The following GRM7 variants were observed in gnomAD, a reference collection of about 807,000 sequenced individuals.
GRM7 encodes the protein metabotropic glutamate receptor 7.
In GRM7, 35 loss-of-function variants were observed where a neutral mutation model predicts 84.5. The observed-to-expected ratio is 0.41, with a 90% CI of 0.32 to 0.55. The LOEUF is 0.55. Among genes scored for constraint, GRM7 ranks in the 20% least tolerant of loss-of-function variants. GRM7 has a pLI of 0.19. For synonymous variants in GRM7, 487 were observed against 455.1 expected, an observed-to-expected ratio of 1.07 and a Z score of -0.89; for missense variants, 1,003 against 1,194.6, an observed-to-expected ratio of 0.84 and a Z score of 2.36.
At chr3:7,497,204 A>G (rs1159096440) in intron 7 of GRM7, among the ~76,000 whole-genome samples, 1 of 151,978 alleles carries the variant, frequency 6.6e-6, no homozygotes, top group Non-Finnish European at 1.5e-5. Flanking sequence ...CTGGATAGGG[A>G]TATGAGCTAC....
chr3:7,634,836 G>C (rs1035146177), intron 8 of GRM7, among the ~76,000 whole-genome samples: 2 of 151,866 alleles, frequency 1.3e-5, no homozygotes, highest in South Asian at 4.1e-4. Context: ...GAAATCCGCA[G>C]ATCTTTCAAG....
At chr3:7,088,516 G>T (rs1159372344) in intron 1 of GRM7, among the ~76,000 whole-genome samples, 1 of 149,968 alleles carries the variant, frequency 6.7e-6, no homozygotes, top group Non-Finnish European at 1.5e-5. Flanking sequence ...TACATTTGCA[G>T]TGCCAGGGAT....
intron 1 of GRM7, among the ~76,000 whole-genome samples, chr3:6,874,528 C>A (rs1695235635): frequency 6.6e-6 from 1 of 152,160 alleles, no homozygotes; most frequent in Non-Finnish European, 1.5e-5. Flanking sequence ...TGGATTACAT[C>A]ATTTTCTTCT....
intron 4 of GRM7, among the ~76,000 whole-genome samples, chr3:7,318,674 A>G (rs1700667095): frequency 6.6e-6 from 1 of 152,052 alleles, no homozygotes; most frequent in Non-Finnish European, 1.5e-5. Context: ...TAGGCTCAGT[A>G]TATTCCTGAT....
intron 7 of GRM7, among the ~76,000 whole-genome samples, chr3:7,468,551 C>G (rs1265968005): frequency 6.6e-6 from 1 of 152,130 alleles, no homozygotes; most frequent in East Asian, 1.9e-4. Context: ...TTAGCCGCAA[C>G]AGCAACAAAA....
At chr3:7,461,086 G>A (rs1261670284) in intron 6 of GRM7, among the ~76,000 whole-genome samples, 1 of 152,170 alleles carries the variant, frequency 6.6e-6, no homozygotes, top group Non-Finnish European at 1.5e-5. Flanking sequence ...AATACAATGA[G>A]TAGAAAAGTA....
rs71043686 is a variant in GRM7 at position 7,661,794 on chromosome 3, C to CAAAAAAAAA, written c.2452-18237_2452-18229dup. Among the ~76,000 whole-genome samples the CAAAAAAAAA allele has an allele frequency of 6.8e-3, 192 of 28,164 alleles. 34 individuals are homozygous for CAAAAAAAAA. The highest frequency in any genetic ancestry group is 0.022 in the East Asian group (12 of 546). 18.5% of individuals were successfully genotyped at this position (28,164 alleles called of 152,430 possible). A position where few individuals can be genotyped will look rare whatever the true frequency, so the allele number is the denominator to read the frequency against. ...GGGCCACAGAGCGAGGTCTCCGTCTCAAAAAAAAAAAAAAAAAAAAAAAAA... is the reference window on the plus strand; with the variant it reads ...GGGCCACAGAGCGAGGTCTCCGTCTCAAAAAAAAAAAAAAAAAAAAAAAAAAAAAAAAAA... On this transcript the variant is annotated intron_variant, in intron 8 of 9. Coordinates refer to ENST00000357716, the MANE Select transcript of GRM7 (RefSeq NM_000844.4).
intron 7 of GRM7, among the ~76,000 whole-genome samples, chr3:7,518,074 T>C (rs560545054): frequency 1.3e-5 from 2 of 152,302 alleles, no homozygotes; most frequent in East Asian, 3.9e-4. Context: ...GTGAGGATAA[T>C]TCATTTCTCA....
chr3:7,293,445 G>A (rs7650667), intron 2 of GRM7, among the ~76,000 whole-genome samples: 15,397 of 152,120 alleles, frequency 0.1, 1,050 homozygotes, highest in Non-Finnish European at 0.16. Flanking sequence ...TCAAGCCTTT[G>A]ACAGCGGACA....
chr3:7,277,630 AT>A (rs1226053448), intron 2 of GRM7, among the ~76,000 whole-genome samples: 2 of 152,024 alleles, frequency 1.3e-5, no homozygotes, highest in African/African-American at 4.8e-5. Context: ...TTTCTTACAC[AT>A]TTTCTTCTTT....
At chr3:6,978,157 A>AAAATC (rs1024016231) in intron 1 of GRM7, among the ~76,000 whole-genome samples, 12 of 152,152 alleles carry the variant, frequency 7.9e-5, no homozygotes, top group African/African-American at 2.7e-4. Flanking sequence ...CCTAGAAGAG[A>AAAATC]AAATCAAGTA....
chr3:7,588,045 T>C (rs1278465540), intron 8 of GRM7, among the ~76,000 whole-genome samples: 1 of 152,134 alleles, frequency 6.6e-6, no homozygotes, highest in Non-Finnish European at 1.5e-5. Context: ...AAGTAAAGCA[T>C]GAGACATTGG....
chr3:7,112,251 G>T (rs1692882253), intron 1 of GRM7, among the ~76,000 whole-genome samples: 1 of 149,380 alleles, frequency 6.7e-6, no homozygotes, highest in Non-Finnish European at 1.5e-5. Context: ...TTGAGACAGA[G>T]TCTCACTCTG....
At chr3:6,934,562 T>C (rs1354521354) in intron 1 of GRM7, among the ~76,000 whole-genome samples, 1 of 152,152 alleles carries the variant, frequency 6.6e-6, no homozygotes, top group Non-Finnish European at 1.5e-5. Flanking sequence ...TTTGTATGTA[T>C]CTATAGGAGG....
chr3:7,231,368 A>C (rs1697192283), intron 2 of GRM7, among the ~76,000 whole-genome samples: 1 of 152,206 alleles, frequency 6.6e-6, no homozygotes, highest in African/African-American at 2.4e-5. Context: ...AAATTTAATC[A>C]AATTGGCCAT....
At chr3:7,739,249 T>C (rs886716152) in intron 9 of GRM7, among the ~76,000 whole-genome samples, 6 of 152,226 alleles carry the variant, frequency 3.9e-5, no homozygotes, top group Non-Finnish European at 2.9e-5. Flanking sequence ...ACCTGTAACG[T>C]ACTACTTGTA....
intron 3 of GRM7, among the ~76,000 whole-genome samples, chr3:7,299,380 A>G (rs1383732752): frequency 1.3e-5 from 2 of 152,164 alleles, no homozygotes; most frequent in African/African-American, 4.8e-5. Flanking sequence ...ATGTTTCCAC[A>G]ATGTAAATGT....
intron 4 of GRM7, among the ~76,000 whole-genome samples, chr3:7,385,822 A>G (rs2125134790): frequency 6.6e-6 from 1 of 152,340 alleles, no homozygotes; most frequent in East Asian, 1.9e-4. Flanking sequence ...GTAACCTAAT[A>G]TTTCATCAGT....
intron 8 of GRM7, among the ~76,000 whole-genome samples, chr3:7,644,910 A>G: frequency 6.6e-6 from 1 of 152,000 alleles, no homozygotes; most frequent in Admixed American, 6.6e-5. Flanking sequence ...GTCCTAGTGG[A>G]GCCTCCCTGC....
Sources: gnomAD v4.1 joint callset for allele counts (sites outside exome capture counted in the v4.1 genomes callset) on GRCh38, gnomAD v4.1.1 for gene constraint, MANE v1.5 for transcripts, NCBI Gene and HGNC (gene_info 2026-07-23, HGNC 2026-07-21) for gene names.